Variants in DCC observed in about 807,000 individuals in gnomAD.
DCC encodes the protein DCC netrin 1 receptor.
In DCC, 58 loss-of-function variants were observed where a neutral mutation model predicts 172.5. The observed-to-expected ratio is 0.34, with a 90% CI of 0.27 to 0.42. The LOEUF (loss-of-function observed/expected upper bound fraction) is 0.42, where lower values mean the gene tolerates loss of function less well. DCC is among the 10% of genes least tolerant of loss of function. The pLI is 1.00. For synonymous variants in DCC, 709 were observed against 644.5 expected (o/e 1.10, Z -1.52); for missense variants, 1,740 against 1,791.0 (o/e 0.97, Z 0.51).
chr18:53,313,542 G>A (rs879541637), intron 13 of DCC, among the ~76,000 whole-genome samples: 3 of 152,038 alleles, frequency 2.0e-5, no homozygotes, highest in Non-Finnish European at 4.4e-5. Context: ...CACCGCTCCC[G>A]GCCGCATTTC....
At chr18:53,500,797 T>C (rs1339618625) in intron 27 of DCC, among the ~76,000 whole-genome samples, 1 of 151,876 alleles carries the variant, frequency 6.6e-6, no homozygotes. Context: ...CAGGTCATGA[T>C]TTCATTCTAC....
In DCC at chr18:52,925,263, G is replaced by A. The variant is rs559352165; in HGVS notation, c.878G>A (p.Ser293Asn). 5.1e-5 allele frequency: 83 copies of A among 1,612,438 alleles called. No homozygotes were observed. Among genetic ancestry groups the A allele is most frequent in the Middle Eastern group, 3.3e-4 (2 of 6,080 alleles). ...RSKKYSLLGG[S>N]NLLISNVTDD... ...AAAAAGTATTCTTTATTGGGTGGAA[G>A]CAACTTGCTTATCTCCAATGTGACA... The change falls in exon 5 of 29, where the codon AGC (serine) becomes AAC (asparagine). Residue 293 changes from serine (S) to asparagine (N), a missense_variant. Physicochemically the swap from Ser to Asn is conservative, Grantham distance 46 (BLOSUM62 1). Transcript: ENST00000442544.
intron 5 of DCC, among the ~76,000 whole-genome samples, chr18:53,022,388 A>G (rs2041893056): frequency 6.6e-6 from 1 of 152,108 alleles, no homozygotes; most frequent in African/African-American, 2.4e-5. Flanking sequence ...GAGGATAATA[A>G]TACTATCTTA....
chr18:52,393,975 A>T (rs1037553275), intron 1 of DCC, among the ~76,000 whole-genome samples: 2 of 152,064 alleles, frequency 1.3e-5, no homozygotes, highest in Non-Finnish European at 2.9e-5. Flanking sequence ...ATGCTTTTCA[A>T]TCCACACCAT....
intron 1 of DCC, among the ~76,000 whole-genome samples, chr18:52,613,163 T>C (rs1300221532): frequency 6.6e-6 from 1 of 152,222 alleles, no homozygotes; most frequent in East Asian, 1.9e-4. Context: ...CCCTAATGTA[T>C]CTCATGGGAT....
At chr18:52,356,723 G>T (rs1250077202) in intron 1 of DCC, among the ~76,000 whole-genome samples, 1 of 152,110 alleles carries the variant, frequency 6.6e-6, no homozygotes, top group Non-Finnish European at 1.5e-5. Context: ...GGTTATGAGA[G>T]TAGGGGCCAG....
At chr18:52,422,038 T>A (rs567095249) in intron 1 of DCC, among the ~76,000 whole-genome samples, 1 of 152,310 alleles carries the variant, frequency 6.6e-6, no homozygotes, top group East Asian at 1.9e-4. Flanking sequence ...AATGTTTTCC[T>A]TTAAAGAAAA....
intron 2 of DCC, among the ~76,000 whole-genome samples, chr18:52,838,991 T>C (rs772213096): frequency 6.6e-6 from 1 of 152,122 alleles, no homozygotes; most frequent in Non-Finnish European, 1.5e-5. Flanking sequence ...TTTTATTTAG[T>C]AGAAGATAAC....
At chr18:52,825,902 A>G (rs551382673) in intron 2 of DCC, among the ~76,000 whole-genome samples, 3 of 152,330 alleles carry the variant, frequency 2.0e-5, no homozygotes, top group Admixed American at 2.0e-4. Context: ...AACTGTGATG[A>G]CTTATAGTTT....
intron 9 of DCC, among the ~76,000 whole-genome samples, chr18:53,194,940 A>G (rs556404273): frequency 6.6e-6 from 1 of 152,354 alleles, no homozygotes; most frequent in Admixed American, 6.5e-5. Flanking sequence ...TTGTCTAATG[A>G]GGTAACCAAT....
intron 14 of DCC, among the ~76,000 whole-genome samples, chr18:53,335,939 C>T (rs1371306993): frequency 6.6e-6 from 1 of 152,116 alleles, no homozygotes; most frequent in Non-Finnish European, 1.5e-5. Flanking sequence ...TACTCATTAT[C>T]ACGATAATAG....
intron 8 of DCC, among the ~76,000 whole-genome samples, chr18:53,174,244 A>G (rs2055056120): frequency 7.0e-6 from 1 of 142,824 alleles, no homozygotes; most frequent in Non-Finnish European, 1.5e-5. Flanking sequence ...TCCAAAATTG[A>G]CACCCTAACA....
intron 3 of DCC, among the ~76,000 whole-genome samples, chr18:52,908,254 A>C (rs1164559755): frequency 5.9e-5 from 9 of 151,986 alleles, no homozygotes. Flanking sequence ...CATCTCTAAA[A>C]CCTCTCTTTT....
At position 53,002,705 on chromosome 18, in the gene DCC, C is replaced by T. The variant is rs117817973; in HGVS notation, c.986-60600C>T. ...TAAGTTTTAGGGTACATGTGCACAA[C>T]GTGCAGGTTTGTTACATATGTATAC... On this transcript the variant is annotated intron_variant, in intron 5 of 28. Transcript: ENST00000442544. Among the ~76,000 whole-genome samples, 143 of 152,072 alleles carry T rather than the reference C, an allele frequency of 9.4e-4. 4 individuals are homozygous for T. In the East Asian group the frequency reaches 0.022, roughly 23 times the overall value.
At chr18:53,273,928 A>G (rs1443217623) in intron 12 of DCC, among the ~76,000 whole-genome samples, 1 of 152,050 alleles carries the variant, frequency 6.6e-6, no homozygotes, top group Non-Finnish European at 1.5e-5. Context: ...CCCTGATAAT[A>G]TTGTGTAGGG....
intron 12 of DCC, among the ~76,000 whole-genome samples, chr18:53,293,953 A>G (rs2057035767): frequency 6.6e-6 from 1 of 152,170 alleles, no homozygotes; most frequent in South Asian, 2.1e-4. Flanking sequence ...GGACCTCACA[A>G]TGAAGGTTTG....
intron 5 of DCC, among the ~76,000 whole-genome samples, chr18:53,012,927 A>C (rs2041751527): frequency 6.6e-6 from 1 of 152,194 alleles, no homozygotes; most frequent in African/African-American, 2.4e-5. Flanking sequence ...ATGAACAGAC[A>C]CTTCTCAAAA....
intron 2 of DCC, among the ~76,000 whole-genome samples, chr18:52,862,296 A>G (rs2039155720): frequency 6.6e-6 from 1 of 152,178 alleles, no homozygotes; most frequent in Non-Finnish European, 1.5e-5. Flanking sequence ...TCAAATATCA[A>G]AGGTTTAAAA....
At chr18:52,990,630 G>T (rs1288973117) in intron 5 of DCC, among the ~76,000 whole-genome samples, 3 of 148,298 alleles carry the variant, frequency 2.0e-5, no homozygotes, top group Non-Finnish European at 4.5e-5. Flanking sequence ...TAAATTATCA[G>T]TTTTTTCTTG....
Sources: gnomAD v4.1 joint callset for allele counts (sites outside exome capture counted in the v4.1 genomes callset) on GRCh38, gnomAD v4.1.1 for gene constraint, MANE v1.5 for transcripts, NCBI Gene and HGNC (gene_info 2026-07-23, HGNC 2026-07-21) for gene names.